The following TMPRSS11E variants were observed in gnomAD, a reference collection of about 807,000 sequenced individuals.
TMPRSS11E encodes transmembrane protease serine 11E.
TMPRSS11E carries 38 observed loss-of-function variants against 48.1 expected under a neutral mutation model. The observed-to-expected ratio is 0.79, with a 90% CI of 0.61 to 1.04. TMPRSS11E has a LOEUF of 1.04. TMPRSS11E is among the 50% of genes least tolerant of loss of function. TMPRSS11E has a pLI of 0.00. For synonymous variants in TMPRSS11E, 158 were observed against 171.9 expected (o/e 0.92, Z 0.63); for missense variants, 530 against 510.8 (o/e 1.04, Z -0.36).
At chr4:68,451,851 C>G (rs748726663) in intron 1 of TMPRSS11E, among the ~76,000 whole-genome samples, 2 of 151,786 alleles carry the variant, frequency 1.3e-5, no homozygotes, top group African/African-American at 2.4e-5. Flanking sequence ...TGATGGTTAA[C>G]CAGGGTCTAT....
intron 2 of TMPRSS11E, among the ~76,000 whole-genome samples, chr4:68,466,366 C>A (rs1728926284): frequency 6.6e-6 from 1 of 152,044 alleles, no homozygotes; most frequent in Middle Eastern, 3.2e-3. Flanking sequence ...AATAATCAGC[C>A]CACTGTTCCA....
At chr4:68,451,638 C>A (rs1475317818) in intron 1 of TMPRSS11E, among the ~76,000 whole-genome samples, 2 of 151,946 alleles carry the variant, frequency 1.3e-5, no homozygotes, top group East Asian at 1.9e-4. Context: ...TAAAGTTGAA[C>A]TGTGAGTCAG....
chr4:68,467,818 A>G (rs1341354433), intron 3 of TMPRSS11E, among the ~76,000 whole-genome samples: 1 of 152,174 alleles, frequency 6.6e-6, no homozygotes, highest in East Asian at 1.9e-4. Flanking sequence ...ATACATATGC[A>G]AAATGAAGGA....
At chr4:68,453,066 G>C (rs539671250) in intron 1 of TMPRSS11E, among the ~76,000 whole-genome samples, 1 of 152,030 alleles carries the variant, frequency 6.6e-6, no homozygotes, top group African/African-American at 2.4e-5. Context: ...GAGGCTAGAA[G>C]CTTCCTCTAC....
At chr4:68,477,235 A>C in intron 7 of TMPRSS11E, 134 bp from the exon 8 acceptor site, 1 of 884,688 alleles carries the variant, frequency 1.1e-6, no homozygotes, top group Non-Finnish European at 1.7e-6. Context: ...TTATTATCAA[A>C]TTGGAAAGAG....
chr4:68,489,771 G>A (rs1215676451), intron 9 of TMPRSS11E, among the ~76,000 whole-genome samples: 1 of 152,246 alleles, frequency 6.6e-6, no homozygotes, highest in Non-Finnish European at 1.5e-5. Context: ...TTTGGCATAG[G>A]CCAGCAGACA....
intron 9 of TMPRSS11E, among the ~76,000 whole-genome samples, chr4:68,481,968 C>T (rs369752057): frequency 1.3e-5 from 2 of 152,102 alleles, no homozygotes; most frequent in African/African-American, 4.8e-5. Context: ...CTAACAAAAC[C>T]AAGTAAACAA....
intron 1 of TMPRSS11E, among the ~76,000 whole-genome samples, chr4:68,461,581 CATT>C (rs1199198986): frequency 6.6e-6 from 1 of 152,136 alleles, no homozygotes; most frequent in East Asian, 1.9e-4. Flanking sequence ...TAGGTACTAT[CATT>C]ATCATCTTCC....
intron 5 of TMPRSS11E, among the ~76,000 whole-genome samples, 191 bp from the exon 6 acceptor site, chr4:68,474,532 G>A (rs1729157066): frequency 6.6e-6 from 1 of 152,076 alleles, no homozygotes; most frequent in African/African-American, 2.4e-5. Flanking sequence ...CCACATTAAA[G>A]TTTAACACAC....
chr4:68,477,383 C>T lies in TMPRSS11E; in HGVS notation c.722C>T (p.Ala241Val), dbSNP rs377536516. 1 of 1,613,372 alleles carries T rather than the reference C, an allele frequency of 6.2e-7. No individual in the cohort carries two copies. Among genetic ancestry groups the T allele is most frequent in the Non-Finnish European group, 8.5e-7 (1 of 1,179,672 alleles). Residue 241 changes from alanine to valine, a missense_variant, in exon 8 of 10, where the codon GCC (alanine) becomes GTC (valine). Coordinates refer to ENST00000305363, the MANE Select transcript of TMPRSS11E (RefSeq NM_014058.4). ...TTTCTCCCCAGATATAAGAACCCTGCCAGATGGACTGCTTCCTTTGGAGTA... is the reference window on the plus strand; with the variant it reads ...TTTCTCCCCAGATATAAGAACCCTGTCAGATGGACTGCTTCCTTTGGAGTA... ...AHCFTTYKNP[A>V]RWTASFGVTI... is the part of the protein sequence containing the mutation.
chr4:68,486,404 A>G (rs951727882), intron 9 of TMPRSS11E, among the ~76,000 whole-genome samples: 5 of 152,196 alleles, frequency 3.3e-5, no homozygotes, highest in Non-Finnish European at 5.9e-5. Context: ...TTTACTCAAA[A>G]GACATTCAGG....
intron 1 of TMPRSS11E, among the ~76,000 whole-genome samples, chr4:68,456,121 C>G (rs994409713): frequency 2.0e-5 from 3 of 151,930 alleles, no homozygotes; most frequent in Non-Finnish European, 4.4e-5. Flanking sequence ...ACATTCCTTA[C>G]TGTTGAGTTG....
intron 9 of TMPRSS11E, among the ~76,000 whole-genome samples, chr4:68,492,497 C>A (rs529058895): frequency 2.0e-5 from 3 of 152,050 alleles, no homozygotes; most frequent in Non-Finnish European, 4.4e-5. Context: ...TCTTTGCTGG[C>A]GATTTTGCTG....
At chr4:68,477,715 T>A in intron 8 of TMPRSS11E, 87 bp downstream of exon 8, 1 of 1,512,270 alleles carries the variant, frequency 6.6e-7, no homozygotes, top group South Asian at 1.2e-5. Context: ...CCAAAATATG[T>A]TAGTTGTGTG....
intron 4 of TMPRSS11E, among the ~76,000 whole-genome samples, chr4:68,470,142 C>G (rs1729024104): frequency 1.3e-5 from 2 of 151,692 alleles, no homozygotes; most frequent in Non-Finnish European, 3.0e-5. Flanking sequence ...TGGAACTGAG[C>G]AGAAGATAGA....
At chr4:68,484,764 T>C (rs1729505677) in intron 9 of TMPRSS11E, among the ~76,000 whole-genome samples, 1 of 152,236 alleles carries the variant, frequency 6.6e-6, no homozygotes, top group Non-Finnish European at 1.5e-5. Context: ...GTTAATGTTG[T>C]ATAGAAGTGC....
In TMPRSS11E at chr4:68,471,619, T is replaced by G. The variant is rs145069161; in HGVS notation, c.486T>G (p.Ile162Met). The G allele has an allele frequency of 2.1e-5, 33 of 1,575,440 alleles. No homozygotes were observed. Among genetic ancestry groups the G allele is most frequent in the Admixed American group, 7.8e-5 (4 of 51,508 alleles). ...AAGTAGATCCTCACTCAGTTAAAAT[T>G]AAAAGTAAGTTAATTTCTCTTATTT... is the stretch of plus-strand genomic sequence containing the variant. ...PPKVDPHSVK[I>M]KKINKTETDS... Residue 162 changes from isoleucine to methionine, a missense_variant, in exon 5 of 10, where the codon ATT becomes ATG. By Grantham distance (10) the Ile-to-Met change is conservative. Transcript: ENST00000305363.
chr4:68,493,645 T>G (rs542787485), intron 9 of TMPRSS11E, among the ~76,000 whole-genome samples: 4 of 152,112 alleles, frequency 2.6e-5, no homozygotes, highest in African/African-American at 2.4e-5. Flanking sequence ...TTTTGTATTT[T>G]TAGTAGAGAC....
At chr4:68,455,517 C>T (rs570612185) in intron 1 of TMPRSS11E, among the ~76,000 whole-genome samples, 10 of 151,972 alleles carry the variant, frequency 6.6e-5, no homozygotes, top group Non-Finnish European at 1.5e-4. Flanking sequence ...AGATCTACTT[C>T]CATTCTATCA....
Sources: gnomAD v4.1 joint callset for allele counts (sites outside exome capture counted in the v4.1 genomes callset) on GRCh38, gnomAD v4.1.1 for gene constraint, MANE v1.5 for transcripts, NCBI Gene and HGNC (gene_info 2026-07-23, HGNC 2026-07-21) for gene names.